Variants in MYO1H observed in about 807,000 individuals in gnomAD.
MYO1H encodes unconventional myosin-Ih.
MYO1H carries 118 observed loss-of-function variants against 149.3 expected under a neutral mutation model. The ratio of observed to expected loss-of-function variants is 0.79; its 90% CI spans 0.68 to 0.92. The LOEUF is 0.92. Among genes scored for constraint, MYO1H ranks in the 40% least tolerant of loss-of-function variants. MYO1H has a pLI of 0.00. For synonymous variants in MYO1H, 447 were observed against 465.2 expected (o/e 0.96, Z 0.50); for missense variants, 1,212 against 1,280.7 (o/e 0.95, Z 0.82).
intron 1 of MYO1H, among the ~76,000 whole-genome samples, chr12:109,384,935 C>T (rs1487392212): frequency 2.0e-5 from 3 of 152,194 alleles, no homozygotes; most frequent in Non-Finnish European, 4.4e-5. Context: ...CTCATTGACT[C>T]CTAATCAGCA....
the MYO1H span, among the ~76,000 whole-genome samples, chr12:109,327,128 C>CTTTTTTT: frequency 3.9e-5 from 4 of 103,698 alleles, no homozygotes; most frequent in Admixed American, 1.1e-4. Flanking sequence ...TTTTCTTTTT[C>CTTTTTTT]TTTTTCTTTT....
At chr12:109,406,437 G>A (rs548258164) in intron 8 of MYO1H, among the ~76,000 whole-genome samples, 1 of 125,788 alleles carries the variant, frequency 7.9e-6, no homozygotes, top group East Asian at 2.6e-4. Flanking sequence ...CTGCACTCCA[G>A]CCTGGGCAAC....
the MYO1H span, among the ~76,000 whole-genome samples, chr12:109,311,780 G>T: frequency 1.3e-5 from 2 of 152,196 alleles, no homozygotes; most frequent in African/African-American, 4.8e-5. Flanking sequence ...GATTTCTTCA[G>T]ATTCCCTATT....
chr12:109,318,280 AAAAT>A, the MYO1H span, among the ~76,000 whole-genome samples: 1 of 152,154 alleles, frequency 6.6e-6, no homozygotes, highest in Admixed American at 6.6e-5. Flanking sequence ...TATTTATTAT[AAAAT>A]AAATATTTCT....
chr12:109,366,699 T>C (rs902420355), intron 1 of MYO1H, among the ~76,000 whole-genome samples: 4 of 152,168 alleles, frequency 2.6e-5, no homozygotes, highest in Non-Finnish European at 4.4e-5. Context: ...TGAACAGATG[T>C]AGACAGAACA....
At chr12:109,326,412 C>A in the MYO1H span, among the ~76,000 whole-genome samples, 1 of 152,166 alleles carries the variant, frequency 6.6e-6, no homozygotes, top group African/African-American at 2.4e-5. Flanking sequence ...CATGCTACCC[C>A]ACATTCTGTT....
At chr12:109,340,872 G>C in the MYO1H span, among the ~76,000 whole-genome samples, 1 of 152,058 alleles carries the variant, frequency 6.6e-6, no homozygotes, top group Non-Finnish European at 1.5e-5. Flanking sequence ...TTAAGGATAA[G>C]GTTGGTAGAG....
chr12:109,436,046 C>A (rs1871843958), intron 21 of MYO1H, among the ~76,000 whole-genome samples: 2 of 152,094 alleles, frequency 1.3e-5, no homozygotes, highest in African/African-American at 4.8e-5. Context: ...GATGTAGAAG[C>A]CGAGGGAGAG....
rs1420951743 is a variant in MYO1H, at chr12:109,408,063, A to C, written c.1155+150A>C. 8.5e-6 allele frequency: 8 copies of C among 946,582 alleles called. No individual in the cohort carries two copies. The South Asian group carries it at 1.3e-4, about 15-fold the overall frequency. 58.6% of individuals were successfully genotyped at this position (946,582 alleles called of 1,614,324 possible). The stretch of plus-strand genomic sequence containing the variant: ...TTCCCTATTCACATTTCCCATGTCT[A>C]GCATACAGTATGGGTGCATGCCGAA... On this transcript the variant is annotated intron_variant, in intron 10 of 31. Coordinates refer to ENST00000310903, the Ensembl canonical transcript of MYO1H.
intron 31 of MYO1H, chr12:109,446,357 CT>C: frequency 1.0e-6 from 1 of 985,352 alleles, no homozygotes; most frequent in South Asian, 4.7e-5. Flanking sequence ...GGAGCTGAAT[CT>C]TTAAAATGTA....
At chr12:109,315,454 A>G in the MYO1H span, among the ~76,000 whole-genome samples, 35 of 152,136 alleles carry the variant, frequency 2.3e-4, no homozygotes, top group African/African-American at 9.7e-5. Flanking sequence ...TATTTTTTCA[A>G]ATCAGGGATC....
the MYO1H span, among the ~76,000 whole-genome samples, chr12:109,311,750 C>T: frequency 3.9e-4 from 59 of 152,150 alleles, no homozygotes; most frequent in African/African-American, 1.3e-3. Context: ...GGAGAGGATC[C>T]CAGGCCTTAT....
chr12:109,433,091 C>G, intron 20 of MYO1H, 81 bp downstream of exon 20: 1 of 1,126,092 alleles, frequency 8.9e-7, no homozygotes, highest in Non-Finnish European at 1.3e-6. Flanking sequence ...CCATCTAGAG[C>G]CTGGAGACTC....
At chr12:109,351,492 G>A (rs1437540129) in intron 1 of MYO1H, among the ~76,000 whole-genome samples, 1 of 152,168 alleles carries the variant, frequency 6.6e-6, no homozygotes, top group Non-Finnish European at 1.5e-5. Flanking sequence ...CTGTTTAAAA[G>A]CCATCTAAAA....
At chr12:109,447,443 G>A (rs1592827531) in exon 32 of MYO1H, 6 of 583,658 alleles carry the variant, frequency 1.0e-5, no homozygotes, top group South Asian at 8.1e-5. Context: ...AAACACCCTC[G>A]ACAGGATCTA....
At chr12:109,404,697 A>G (rs1401676384) in intron 7 of MYO1H, among the ~76,000 whole-genome samples, 1 of 152,166 alleles carries the variant, frequency 6.6e-6, no homozygotes, top group Non-Finnish European at 1.5e-5. Flanking sequence ...AAGGAGGAAG[A>G]GTCAGTTTTT....
At chr12:109,352,363 C>T (rs1051212205) in intron 1 of MYO1H, among the ~76,000 whole-genome samples, 1 of 152,138 alleles carries the variant, frequency 6.6e-6, no homozygotes, top group African/African-American at 2.4e-5. Context: ...CCTCATCTCT[C>T]ACCTCCCACT....
chr12:109,366,421 G>A (rs545265254), intron 1 of MYO1H, among the ~76,000 whole-genome samples: 1 of 152,292 alleles, frequency 6.6e-6, no homozygotes, highest in South Asian at 2.1e-4. Flanking sequence ...GCTTGGGGAA[G>A]TCAGGGGCCT....
chr12:109,389,758 A>T (rs1467348544), intron 2 of MYO1H, among the ~76,000 whole-genome samples: 1 of 152,054 alleles, frequency 6.6e-6, no homozygotes, highest in African/African-American at 2.4e-5. Context: ...TAATTTTTTG[A>T]GATTTTATTA....
Sources: allele counts gnomAD v4.1 joint callset (sites outside exome capture counted in the v4.1 genomes callset), GRCh38; gene constraint gnomAD v4.1.1; transcripts MANE v1.5; gene names NCBI Gene and HGNC (gene_info 2026-07-23, HGNC 2026-07-21).